YTHDF1: variants seen among roughly 807,000 people sequenced by gnomAD.
The protein encoded by YTHDF1 is YTH N6-methyladenosine RNA binding protein F1, also known as YTH domain-containing family protein 1.
Under a neutral mutation model 49.1 loss-of-function variants are expected in YTHDF1, and 16 were observed. That is an observed-to-expected ratio of 0.33 (90% CI 0.22 to 0.49). The LOEUF (loss-of-function observed/expected upper bound fraction) is 0.49. Among genes scored for constraint, YTHDF1 ranks in the 20% least tolerant of loss-of-function variants. The pLI, the probability that YTHDF1 is intolerant of heterozygous loss-of-function variation, is 0.99. For synonymous variants in YTHDF1, 313 were observed against 290.1 expected (o/e 1.08, Z -0.80); for missense variants, 621 against 744.3 (o/e 0.83, Z 1.93).
Position 63,195,589 on chromosome 20 carries a change from A to C in YTHDF1, c.*1119T>G, listed in dbSNP as rs1047902601. ...AACGTTAACTCAGAGGGTCTTTTGG[A>C]GCAAGTAGTTTTCAGAAAGCGTCTG... is the stretch of plus-strand genomic sequence containing the variant. On this transcript the variant is annotated 3_prime_UTR_variant, in exon 5 of 5. Coordinates refer to ENST00000370339, the MANE Select transcript of YTHDF1 (RefSeq NM_017798.4). The C allele has an allele frequency of 6.6e-6, 1 of 152,622 alleles. No homozygotes were observed. The highest frequency in any genetic ancestry group is 6.5e-5 in the Admixed American group (1 of 15,270). The allele number at this position is 152,622 out of a possible 1,614,324, so 9.5% of individuals were successfully genotyped here.
chr20:63,214,056 T>G (rs529429254), intron 2 of YTHDF1, 113 bp from the exon 3 acceptor site: 1 of 1,440,840 alleles, frequency 6.9e-7, no homozygotes, highest in East Asian at 2.6e-5. Flanking sequence ...AAATTATGCT[T>G]TAATTTTAAA....
At chr20:63,206,934 A>G (rs1458741593) in intron 3 of YTHDF1, among the ~76,000 whole-genome samples, 1 of 151,194 alleles carries the variant, frequency 6.6e-6, no homozygotes, top group African/African-American at 2.5e-5. Context: ...TCCCATTCAC[A>G]GTCCTGGTCA....
intron 3 of YTHDF1, among the ~76,000 whole-genome samples, chr20:63,212,670 C>T (rs1371970209): frequency 1.3e-5 from 2 of 152,180 alleles, no homozygotes; most frequent in Non-Finnish European, 2.9e-5. Context: ...AAACAGATAC[C>T]GCTTCTCTTG....
chr20:63,214,954 A>G (rs1430727112), intron 2 of YTHDF1, among the ~76,000 whole-genome samples: 2 of 152,180 alleles, frequency 1.3e-5, no homozygotes, highest in Admixed American at 6.5e-5. Context: ...TCCCACTGTT[A>G]TTATGCTCAG....
Position 63,202,463 on chromosome 20 carries a change from T to G in YTHDF1, c.1477A>C (p.Arg493=). 1 of 1,614,290 alleles carries G rather than the reference T, an allele frequency of 6.2e-7. No individual in the cohort carries two copies. The highest frequency in any genetic ancestry group is 8.5e-7 in the Non-Finnish European group (1 of 1,180,060). The change falls in exon 4 of 5, where the codon AGG becomes CGG. Residue 493 remains arginine (R), a synonymous_variant. Coordinates refer to ENST00000370339, the MANE Select transcript of YTHDF1 (RefSeq NM_017798.4). The part of the protein sequence containing the change: ...DVPNNQLRHI[R]LENNDNKPVT... ...GGTTTGTTGTCGTTATTCTCCAGCC[T>G]GATGTGCCGGAGCTGGTTATTGGGT...
chr20:63,212,142 T>A (rs1420322338), intron 3 of YTHDF1, among the ~76,000 whole-genome samples: 1 of 152,196 alleles, frequency 6.6e-6, no homozygotes, highest in Non-Finnish European at 1.5e-5. Flanking sequence ...TTCCTGCCAT[T>A]ACCTCTATCC....
chr20:63,201,955 GGA>G (rs1452322719), intron 4 of YTHDF1, among the ~76,000 whole-genome samples: 1 of 152,230 alleles, frequency 6.6e-6, no homozygotes, highest in Non-Finnish European at 1.5e-5. Flanking sequence ...AATTCAAAAA[GGA>G]GAGGAGAAAG....
chr20:63,213,987 A>G (rs749307884), intron 2 of YTHDF1, 44 bp from the exon 3 acceptor site: 1 of 1,552,754 alleles, frequency 6.4e-7, no homozygotes, highest in South Asian at 1.2e-5. Flanking sequence ...ATTTTAAAAG[A>G]TTACTTTTAA....
rs554117612 is a variant in YTHDF1, at chr20:63,203,029, G to A, written c.911C>T (p.Pro304Leu). 3.5e-5 allele frequency: 56 copies of A among 1,608,308 alleles called. No individual in the cohort carries two copies. In the South Asian group the frequency reaches 5.7e-4, roughly 16 times the overall value. The change falls in exon 4 of 5, where the codon CCT (proline) becomes CTT (leucine). Residue 304 changes from proline to leucine, a missense_variant. Pro to Leu is a moderately conservative substitution (Grantham distance 98, BLOSUM62 -3). Around this residue, in one of 2 missense-constraint regions of YTHDF1, gnomAD observed 470 missense variants for 495.8 expected, o/e 0.95. Transcript: ENST00000370339. This position sits in a 1 kb window ranked among gnomAD's most constrained non-coding sequence, Gnocchi z 4.4. ...AAPQPQQVAQ[P>L]LPAQPPALAQ... ...CAAAGCTGGGGGCTGTGCTGGGAGA[G>A]GCTGAGCCACCTGCTGGGGCTGTGG...
chr20:63,203,020 G>A lies in YTHDF1; in HGVS notation c.920C>T (p.Ala307Val), dbSNP rs1180313034. The change falls in exon 4 of 5, where the codon GCA (alanine) becomes GTA (valine). Residue 307 changes from alanine to valine, a missense_variant. By Grantham distance (64) the Ala-to-Val change is moderately conservative (BLOSUM62 0). Transcript: ENST00000370339. This position sits in a 1 kb window ranked among gnomAD's most constrained non-coding sequence, Gnocchi z 4.4. Reference sequence around the variant, plus strand: ...CGGTTGAGCCAAAGCTGGGGGCTGTGCTGGGAGAGGCTGAGCCACCTGCTG... The same window carrying A: ...CGGTTGAGCCAAAGCTGGGGGCTGTACTGGGAGAGGCTGAGCCACCTGCTG... ...QPQQVAQPLPAQPPALAQPQY... is the reference protein window; with the variant it reads ...QPQQVAQPLPVQPPALAQPQY... 2 of 1,609,052 alleles carry A rather than the reference G, an allele frequency of 1.2e-6. No homozygotes were observed. The highest frequency in any genetic ancestry group is 2.2e-5 in the East Asian group (1 of 44,826).
At position 63,215,934 on chromosome 20, in the gene YTHDF1, C is replaced by G. The variant is rs1231031580; in HGVS notation, c.-42G>C. 1 of 1,352,714 alleles carries G rather than the reference C, an allele frequency of 7.4e-7. No homozygotes were observed. Among genetic ancestry groups the G allele is most frequent in the Non-Finnish European group, 9.5e-7 (1 of 1,047,404 alleles). The allele number at this position is 1,352,714 out of a possible 1,614,324, so 83.8% of individuals were successfully genotyped here. On this transcript the variant is annotated 5_prime_UTR_variant, in exon 1 of 5. Transcript: ENST00000370339. Reference sequence around the variant, plus strand: ...GACGCGGGGCCGGGGCGCCCGCCGGCTCGGGCCTCCCCTAGAGGCCGGGCC... The same window carrying G: ...GACGCGGGGCCGGGGCGCCCGCCGGGTCGGGCCTCCCCTAGAGGCCGGGCC...
In YTHDF1 at chr20:63,203,729, T is replaced by C. The variant is rs776954953; in HGVS notation, c.211A>G (p.Asn71Asp). ...PPSIGFPYSL[N>D]EAPWSTAGDP... ...CCTGCAGTAGACCACGGAGCCTCATTGAGGGAGTAAGGAAATCCAATGGAC... is the reference window on the plus strand; with the variant it reads ...CCTGCAGTAGACCACGGAGCCTCATCGAGGGAGTAAGGAAATCCAATGGAC... The change falls in exon 4 of 5, where the codon AAT becomes GAT. Residue 71 changes from asparagine (N) to aspartate (D), a missense_variant. This residue lies in a region of YTHDF1 where 470 missense variants were observed against 495.8 expected (regional missense o/e 0.95). Coordinates refer to ENST00000370339, the MANE Select transcript of YTHDF1 (RefSeq NM_017798.4). The surrounding 1 kb of genome is among the most constrained non-coding windows in gnomAD (Gnocchi z 4.4). The C allele has an allele frequency of 6.2e-7, 1 of 1,614,048 alleles. No individual in the cohort carries two copies. The highest frequency in any genetic ancestry group is 1.1e-5 in the South Asian group (1 of 91,074).
In YTHDF1 at chr20:63,216,096, G is replaced by GT; in HGVS notation, c.-205_-204insA. The GT allele has an allele frequency of 4.6e-6, 1 of 215,172 alleles. No homozygotes were observed. The highest frequency in any genetic ancestry group is 7.9e-6 in the Non-Finnish European group (1 of 126,364). The allele number at this position is 215,172 out of a possible 1,614,324, so 13.3% of individuals were successfully genotyped here. ...TGAGCCCGGGACGCGGACGCACTGA[G>GT]GAGGCGTCGACTCCAATGGCGGCGG... is the stretch of plus-strand genomic sequence containing the variant. On this transcript the variant is annotated 5_prime_UTR_variant, in exon 1 of 5. Transcript: ENST00000370339.
rs2066600199 is a variant in YTHDF1 at position 63,215,928 on chromosome 20, C to T, written c.-36G>A. 4.4e-6 allele frequency: 6 copies of T among 1,362,046 alleles called. No individual in the cohort carries two copies. In the South Asian group the frequency reaches 8.4e-5, roughly 19 times the overall value. The allele number at this position is 1,362,046 out of a possible 1,614,324, so 84.4% of individuals were successfully genotyped here. A position where few individuals can be genotyped will look rare whatever the true frequency, so the allele number is the denominator to read the frequency against. On this transcript the variant is annotated 5_prime_UTR_variant, in exon 1 of 5. Coordinates refer to ENST00000370339, the MANE Select transcript of YTHDF1 (RefSeq NM_017798.4). The stretch of plus-strand genomic sequence containing the variant: ...CAACTAGACGCGGGGCCGGGGCGCC[C>T]GCCGGCTCGGGCCTCCCCTAGAGGC...
chr20:63,197,736 T>G (rs111867932), intron 4 of YTHDF1, among the ~76,000 whole-genome samples: 1 of 152,040 alleles, frequency 6.6e-6, no homozygotes, highest in Non-Finnish European at 1.5e-5. Context: ...AGAGAGACCC[T>G]ATCTCGAAAT....
Sources: gnomAD v4.1 joint callset for allele counts (sites outside exome capture counted in the v4.1 genomes callset) on GRCh38, gnomAD v4.1.1 for gene constraint, gnomAD v4.1.1 regional missense constraint, Gnocchi (gnomAD v3.1) non-coding constraint, MANE v1.5 for transcripts, NCBI Gene and HGNC (gene_info 2026-07-23, HGNC 2026-07-21) for gene names.